WDR70: variants seen among roughly 807,000 people sequenced by gnomAD.
WDR70 encodes WD repeat-containing protein 70.
WDR70 carries 53 observed loss-of-function variants against 88.6 expected under a neutral mutation model. The ratio of observed to expected loss-of-function variants is 0.60; its 90% CI spans 0.48 to 0.75. The LOEUF is 0.75. Ranked by LOEUF, WDR70 falls within the 30% of genes least tolerant of loss-of-function variation. The pLI is 0.00. For synonymous variants in WDR70, 280 were observed against 270.0 expected (o/e 1.04, Z -0.36); for missense variants, 610 against 823.2 (o/e 0.74, Z 3.17).
chr5:37,679,638 C>T (rs980472935), intron 10 of WDR70, among the ~76,000 whole-genome samples: 2 of 152,174 alleles, frequency 1.3e-5, no homozygotes, highest in Non-Finnish European at 2.9e-5. Flanking sequence ...TCAGTCTGCC[C>T]CTACTGGGGG....
chr5:37,591,876 G>C (rs568404846), intron 9 of WDR70, among the ~76,000 whole-genome samples: 37 of 152,244 alleles, frequency 2.4e-4, no homozygotes, highest in African/African-American at 8.9e-4. Flanking sequence ...GGATTGAAAG[G>C]ATTGAAAATC....
chr5:37,563,522 A>C (rs1581396689), intron 9 of WDR70, among the ~76,000 whole-genome samples: 2 of 39,502 alleles, frequency 5.1e-5, no homozygotes, highest in African/African-American at 1.6e-4. Context: ...GGCGCCCCTC[A>C]CCTCCCGGAT....
chr5:37,673,800 T>C (rs886366954), intron 10 of WDR70, among the ~76,000 whole-genome samples: 5 of 151,884 alleles, frequency 3.3e-5, no homozygotes, highest in Non-Finnish European at 7.4e-5. Flanking sequence ...CCAGTGTGTG[T>C]TGTTTCCCCC....
At chr5:37,575,591 A>G (rs887776974) in intron 9 of WDR70, among the ~76,000 whole-genome samples, 5 of 152,218 alleles carry the variant, frequency 3.3e-5, no homozygotes, top group African/African-American at 4.8e-5. Context: ...AGTTTGGTAA[A>G]TACAACCACA....
At chr5:37,526,679 G>A (rs898592708) in intron 9 of WDR70, among the ~76,000 whole-genome samples, 1 of 152,196 alleles carries the variant, frequency 6.6e-6, no homozygotes, top group African/African-American at 2.4e-5. Context: ...ATTAGAAAAA[G>A]AGGAAGTCAA....
intron 10 of WDR70, chr5:37,687,804 T>C: frequency 2.1e-6 from 1 of 465,322 alleles, no homozygotes; most frequent in Non-Finnish European, 3.9e-6. Flanking sequence ...TGGAAGGCTA[T>C]ATGTCTTTCT....
In WDR70 at chr5:37,379,550, G is replaced by A; in HGVS notation, c.87G>A (p.Gly29=). 6.2e-7 allele frequency: 1 copy of A among 1,613,972 alleles called. No homozygotes were observed. The highest frequency in any genetic ancestry group is 1.1e-5 in the South Asian group (1 of 91,076). ...TTGCGGTCACCATGGGCTTCACGGG[G>A]TTCGGTGAGTGACTGCCCCAGGCAG... The part of the protein sequence containing the change: ...PQLAVTMGFT[G]FGKKARTFDL... The change falls in exon 2 of 18, where the codon GGG becomes GGA. Residue 29 remains glycine, a synonymous_variant. Coordinates refer to ENST00000265107, the MANE Select transcript of WDR70 (RefSeq NM_018034.4).
chr5:37,512,216 C>A (rs1045204686), intron 8 of WDR70, among the ~76,000 whole-genome samples: 5 of 151,874 alleles, frequency 3.3e-5, no homozygotes, highest in Non-Finnish European at 5.9e-5. Context: ...CTCTTTTCTT[C>A]TTTAAAAAAA....
chr5:37,400,305 C>T (rs914975441), intron 5 of WDR70, among the ~76,000 whole-genome samples: 1 of 152,148 alleles, frequency 6.6e-6, no homozygotes, highest in East Asian at 1.9e-4. Context: ...GTTATTAAAA[C>T]TCGATAGGAA....
At chr5:37,465,942 A>G (rs1481938440) in intron 7 of WDR70, among the ~76,000 whole-genome samples, 1 of 151,754 alleles carries the variant, frequency 6.6e-6, no homozygotes, top group African/African-American at 2.4e-5. Flanking sequence ...TAATGTGTTT[A>G]ATTATTTGCT....
At chr5:37,646,463 AC>A (rs1290794713) in intron 10 of WDR70, among the ~76,000 whole-genome samples, 1 of 151,964 alleles carries the variant, frequency 6.6e-6, no homozygotes, top group Non-Finnish European at 1.5e-5. Flanking sequence ...ATGATTTTGT[AC>A]CTTTTGATGA....
intron 9 of WDR70, among the ~76,000 whole-genome samples, chr5:37,557,232 G>GAA (rs11372077): frequency 0.02 from 2,433 of 123,820 alleles, 58 homozygotes; most frequent in African/African-American, 0.058. Context: ...TTAAAAAAAT[G>GAA]AAAAAAAAAA....
At chr5:37,429,570 T>C (rs905723712) in intron 5 of WDR70, among the ~76,000 whole-genome samples, 2 of 152,174 alleles carry the variant, frequency 1.3e-5, no homozygotes, top group Admixed American at 6.5e-5. Context: ...TGATACCCAA[T>C]TGTTTGAGTA....
intron 10 of WDR70, among the ~76,000 whole-genome samples, chr5:37,607,729 T>C (rs1561921087): frequency 6.6e-6 from 1 of 152,196 alleles, no homozygotes; most frequent in African/African-American, 2.4e-5. Flanking sequence ...ATTTTCATCA[T>C]TGCAGAAAGT....
intron 10 of WDR70, among the ~76,000 whole-genome samples, chr5:37,672,236 TC>T (rs1030821974): frequency 1.3e-5 from 2 of 151,888 alleles, no homozygotes; most frequent in African/African-American, 2.4e-5. Flanking sequence ...GTCCAAGGTT[TC>T]CCCCCACTGA....
Position 37,618,914 on chromosome 5 carries a change from G to A in WDR70, c.1092+13676G>A, listed in dbSNP as rs375473043. ...CATAAAGGTAAATTCCTGGACAAGG[G>A]TTTTAGTGGTGAAGGTAATGTTTGG... On this transcript the variant is annotated intron_variant, in intron 10 of 17. Coordinates refer to ENST00000265107, the MANE Select transcript of WDR70 (RefSeq NM_018034.4). Among the ~76,000 whole-genome samples the A allele has an allele frequency of 3.3e-5, 5 of 152,300 alleles. No individual in the cohort carries two copies. The South Asian group carries it at 1.0e-3, about 32-fold the overall frequency.
intron 17 of WDR70, among the ~76,000 whole-genome samples, chr5:37,728,555 G>T (rs1378065731): frequency 1.3e-5 from 2 of 151,830 alleles, no homozygotes; most frequent in Non-Finnish European, 2.9e-5. Context: ...CTTTCCCTCA[G>T]TTGGGGTTTG....
In WDR70 at chr5:37,516,720, T is replaced by C. The variant is rs1326506716; in HGVS notation, c.917+130T>C. On this transcript the variant is annotated intron_variant, in intron 9 of 17. Transcript: ENST00000265107. Reference sequence around the variant, plus strand: ...GGAATTCTTATTATATACATATATATATATATTTTTTTTTTTTTTAAGGGG... The same window carrying C: ...GGAATTCTTATTATATACATATATACATATATTTTTTTTTTTTTTAAGGGG... The C allele has an allele frequency of 2.6e-3, 409 of 158,918 alleles. 7 individuals carry two copies. Among genetic ancestry groups the C allele is most frequent in the African/African-American group, 0.013 (391 of 30,654 alleles). The allele number at this position is 158,918 out of a possible 1,614,324, so 9.8% of individuals were successfully genotyped here. A position where few individuals can be genotyped will look rare whatever the true frequency, so the allele number is the denominator to read the frequency against.
chr5:37,673,038 CCTCT>C (rs1019598671), intron 10 of WDR70, among the ~76,000 whole-genome samples: 1 of 152,014 alleles, frequency 6.6e-6, no homozygotes, highest in Non-Finnish European at 1.5e-5. Flanking sequence ...TTTTCCTGAT[CCTCT>C]CTCTCCTCCC....
Sources: allele counts gnomAD v4.1 joint callset (sites outside exome capture counted in the v4.1 genomes callset), GRCh38; gene constraint gnomAD v4.1.1; transcripts MANE v1.5; gene names NCBI Gene and HGNC (gene_info 2026-07-23, HGNC 2026-07-21).